The following CNTN4 variants were observed in gnomAD, a reference collection of about 807,000 sequenced individuals.
CNTN4 encodes contactin 4.
CNTN4 carries 77 observed loss-of-function variants against 122.5 expected under a neutral mutation model. The observed-to-expected ratio is 0.63, with a 90% CI of 0.52 to 0.76. The LOEUF is 0.76. Among genes scored for constraint, CNTN4 ranks in the 30% least tolerant of loss-of-function variants. CNTN4 has a pLI of 0.00. For synonymous variants in CNTN4, 512 were observed against 447.0 expected (o/e 1.15, Z -1.83); for missense variants, 1,256 against 1,259.1 (o/e 1.00, Z 0.04).
intron 3 of CNTN4, among the ~76,000 whole-genome samples, chr3:2,475,769 A>G (rs2075819437): frequency 6.6e-6 from 1 of 152,192 alleles, no homozygotes; most frequent in Non-Finnish European, 1.5e-5. Flanking sequence ...TTTCTCAAAG[A>G]TGAGAAAACT....
chr3:2,584,491 G>A (rs1044002777), intron 4 of CNTN4, among the ~76,000 whole-genome samples: 2 of 151,912 alleles, frequency 1.3e-5, no homozygotes, highest in East Asian at 3.9e-4. Context: ...ATCACCTGAG[G>A]CCAGGAGATC....
chr3:2,577,066 A>G lies in CNTN4; in HGVS notation c.55+5508A>G, dbSNP rs149217241. Among the ~76,000 whole-genome samples, 181 of 152,290 alleles carry G rather than the reference A, an allele frequency of 1.2e-3. 3 individuals are homozygous for G. The Middle Eastern group carries it at 0.021, about 17-fold the overall frequency. On this transcript the variant is annotated intron_variant, in intron 4 of 24. Transcript: ENST00000418658. ...AAGTCAATTCTCAGGCATATTTAAC[A>G]TACTTTCTTAGGGGTTCAAGGCTGG... is the stretch of plus-strand genomic sequence containing the variant.
At chr3:3,054,076 C>A in intron 24 of CNTN4, 101 bp downstream of exon 24, 2 of 1,240,094 alleles carry the variant, frequency 1.6e-6, no homozygotes, top group Non-Finnish European at 1.2e-6. Flanking sequence ...CAAAAGCAGA[C>A]TTAAAATAGA....
At chr3:2,901,588 T>C (rs2094174150) in intron 11 of CNTN4, among the ~76,000 whole-genome samples, 1 of 152,192 alleles carries the variant, frequency 6.6e-6, no homozygotes, top group African/African-American at 2.4e-5. Context: ...GGTACCTAGG[T>C]ACTGGTATTT....
At chr3:2,540,069 TTGTGTGTGTG>T (rs35310430) in intron 3 of CNTN4, among the ~76,000 whole-genome samples, 1 of 148,960 alleles carries the variant, frequency 6.7e-6, no homozygotes, top group Non-Finnish European at 1.5e-5. Context: ...TTCATCAGTG[TTGTGTGTGTG>T]TGTGTGTGTG....
At chr3:2,557,539 A>G (rs2078769452) in intron 3 of CNTN4, among the ~76,000 whole-genome samples, 4 of 152,130 alleles carry the variant, frequency 2.6e-5, no homozygotes, top group Admixed American at 6.5e-5. Flanking sequence ...CATCCTGGCT[A>G]ACACGGTGAA....
chr3:2,370,066 G>A (rs759023028), intron 3 of CNTN4, among the ~76,000 whole-genome samples: 1 of 152,018 alleles, frequency 6.6e-6, no homozygotes, highest in Admixed American at 6.6e-5. Context: ...ACTGAGTCCC[G>A]ACACCACTTT....
chr3:2,465,117 A>G (rs891667990), intron 3 of CNTN4, among the ~76,000 whole-genome samples: 2 of 152,182 alleles, frequency 1.3e-5, no homozygotes, highest in Non-Finnish European at 2.9e-5. Context: ...AATGGTATTT[A>G]TGTATATTTT....
At chr3:2,582,061 A>C (rs2079965860) in intron 4 of CNTN4, among the ~76,000 whole-genome samples, 1 of 152,216 alleles carries the variant, frequency 6.6e-6, no homozygotes, top group Admixed American at 6.5e-5. Flanking sequence ...ATATTCTGGC[A>C]TTAGAAAGCG....
rs1264150037 is a variant in CNTN4, at chr3:2,668,606, T to G, written c.56-67609T>G. Among the ~76,000 whole-genome samples the G allele has an allele frequency of 2.0e-5, 3 of 151,988 alleles. No homozygotes were observed. The South Asian group carries it at 6.3e-4, about 32-fold the overall frequency. ...TATTTCCTTCTCCTGCCTGATTGCC[T>G]TGGCCAGAACTTCCAACACTATGTT... On this transcript the variant is annotated intron_variant, in intron 4 of 24. Transcript: ENST00000418658.
intron 3 of CNTN4, among the ~76,000 whole-genome samples, chr3:2,461,190 G>A (rs1033640451): frequency 3.3e-5 from 5 of 152,030 alleles, no homozygotes; most frequent in African/African-American, 1.2e-4. Flanking sequence ...TCCCCTGTCT[G>A]TGTTCTCTAC....
At chr3:2,527,479 G>A (rs1210696144) in intron 3 of CNTN4, among the ~76,000 whole-genome samples, 2 of 152,210 alleles carry the variant, frequency 1.3e-5, no homozygotes, top group Non-Finnish European at 2.9e-5. Context: ...TGTGAGTTTA[G>A]GTGGCTGTGG....
chr3:2,122,145 A>C (rs976558028), intron 2 of CNTN4, among the ~76,000 whole-genome samples: 3 of 140,498 alleles, frequency 2.1e-5, no homozygotes, highest in African/African-American at 7.7e-5. Flanking sequence ...ACAGAGCGAC[A>C]CTCCATCTCA....
intron 13 of CNTN4, among the ~76,000 whole-genome samples, chr3:2,968,243 C>A (rs767976255): frequency 6.6e-6 from 1 of 152,058 alleles, no homozygotes; most frequent in African/African-American, 2.4e-5. Context: ...GCTTTTTGCT[C>A]CCTCTTCAAA....
intron 6 of CNTN4, among the ~76,000 whole-genome samples, chr3:2,796,941 C>T (rs1043279854): frequency 6.6e-6 from 1 of 152,144 alleles, no homozygotes; most frequent in Non-Finnish European, 1.5e-5. Context: ...TACAGTAGCC[C>T]TTGTTGCTTA....
At chr3:2,816,821 A>AG (rs1491258258) in intron 6 of CNTN4, among the ~76,000 whole-genome samples, 1 of 27,314 alleles carries the variant, frequency 3.7e-5, no homozygotes, top group African/African-American at 1.1e-4. Flanking sequence ...CTCTGTCTCC[A>AG]AAAAAAAAAA....
At chr3:2,954,298 T>A (rs562324056) in intron 13 of CNTN4, among the ~76,000 whole-genome samples, 2 of 152,258 alleles carry the variant, frequency 1.3e-5, no homozygotes, top group African/African-American at 4.8e-5. Flanking sequence ...CTTCTCCCTT[T>A]AGGTTTTAGG....
chr3:2,254,922 G>A (rs187271929), intron 2 of CNTN4, among the ~76,000 whole-genome samples: 48 of 152,258 alleles, frequency 3.2e-4, no homozygotes, highest in African/African-American at 1.1e-3. Context: ...GGCTTTTGTT[G>A]CCGTTGGTTT....
intron 12 of CNTN4, among the ~76,000 whole-genome samples, chr3:2,917,385 A>T (rs1179437384): frequency 6.6e-6 from 1 of 152,068 alleles, no homozygotes; most frequent in Admixed American, 6.5e-5. Context: ...TTTTTACCAC[A>T]ATTTAAAAAA....
Sources: allele counts gnomAD v4.1 joint callset (sites outside exome capture counted in the v4.1 genomes callset), GRCh38; gene constraint gnomAD v4.1.1; transcripts MANE v1.5; gene names NCBI Gene and HGNC (gene_info 2026-07-23, HGNC 2026-07-21).